RNGTT: variants seen among roughly 807,000 people sequenced by gnomAD.
RNGTT encodes the protein RNA guanylyltransferase and 5'-phosphatase, also known as mRNA-capping enzyme.
In RNGTT, 33 loss-of-function variants were observed where a neutral mutation model predicts 79.3. The observed-to-expected ratio is 0.42, with a 90% CI of 0.32 to 0.56. The LOEUF (loss-of-function observed/expected upper bound fraction) is 0.56, where lower values mean the gene tolerates loss of function less well. Among genes scored for constraint, RNGTT ranks in the 20% least tolerant of loss-of-function variants. The pLI is 0.17. For missense variants in RNGTT, 497 were observed against 739.1 expected (o/e 0.67, Z 3.80); for synonymous variants, 222 against 235.9 (o/e 0.94, Z 0.54).
At chr6:88,867,263 A>G (rs1000404885) in intron 8 of RNGTT, among the ~76,000 whole-genome samples, 6 of 152,038 alleles carry the variant, frequency 3.9e-5, no homozygotes, top group Non-Finnish European at 8.8e-5. Context: ...CAGGCAGATT[A>G]CCTGAGGTCA....
chr6:88,855,042 G>C (rs938331196), intron 8 of RNGTT, among the ~76,000 whole-genome samples: 1 of 152,196 alleles, frequency 6.6e-6, no homozygotes, highest in African/African-American at 2.4e-5. Flanking sequence ...CATTTTGTTA[G>C]GCTGTTTTTG....
intron 14 of RNGTT, among the ~76,000 whole-genome samples, chr6:88,653,138 T>A (rs1467941864): frequency 6.6e-6 from 1 of 152,204 alleles, no homozygotes; most frequent in Non-Finnish European, 1.5e-5. Context: ...AAAATACTGG[T>A]TAAAGAAAAC....
intron 1 of RNGTT, among the ~76,000 whole-genome samples, chr6:88,944,862 C>T (rs1784955120): frequency 6.6e-6 from 1 of 152,180 alleles, no homozygotes; most frequent in Admixed American, 6.5e-5. Context: ...AATGTGACTA[C>T]ATTCCTCAAA....
intron 14 of RNGTT, among the ~76,000 whole-genome samples, chr6:88,634,897 A>G (rs1317706517): frequency 6.6e-6 from 1 of 151,992 alleles, no homozygotes; most frequent in Admixed American, 6.6e-5. Flanking sequence ...AGTATTATAC[A>G]TTATTGTTAT....
intron 11 of RNGTT, among the ~76,000 whole-genome samples, chr6:88,814,457 T>C (rs1780250498): frequency 6.6e-6 from 1 of 152,124 alleles, no homozygotes; most frequent in Admixed American, 6.5e-5. Flanking sequence ...TTTAAAGCCC[T>C]TTTTTTCCTG....
intron 13 of RNGTT, among the ~76,000 whole-genome samples, chr6:88,711,244 C>A (rs1381226065): frequency 1.3e-5 from 2 of 152,132 alleles, no homozygotes; most frequent in Non-Finnish European, 2.9e-5. Flanking sequence ...TATAACTTTT[C>A]TCATAATTAC....
At chr6:88,875,969 G>A (rs553193418) in intron 8 of RNGTT, among the ~76,000 whole-genome samples, 8 of 152,128 alleles carry the variant, frequency 5.3e-5, no homozygotes, top group Admixed American at 2.0e-4. Flanking sequence ...ACTGCTGTTC[G>A]GAGTGTATCA....
At chr6:88,946,578 T>C (rs1785016059) in intron 1 of RNGTT, among the ~76,000 whole-genome samples, 2 of 152,008 alleles carry the variant, frequency 1.3e-5, no homozygotes, top group Admixed American at 6.5e-5. Flanking sequence ...CTAGGCCTCT[T>C]GCACCAGTTA....
chr6:88,658,860 T>TA (rs1774078951), intron 14 of RNGTT, among the ~76,000 whole-genome samples: 1 of 152,250 alleles, frequency 6.6e-6, no homozygotes, highest in Non-Finnish European at 1.5e-5. Flanking sequence ...CTCTTGGACT[T>TA]ACACCAGTGA....
chr6:88,777,243 T>C (rs937411284), intron 12 of RNGTT, among the ~76,000 whole-genome samples: 30 of 152,182 alleles, frequency 2.0e-4, no homozygotes, highest in Admixed American at 1.8e-3. Context: ...TTTTAATTAC[T>C]GGAGCTTAGT....
chr6:88,657,195 G>C (rs1305339116), intron 14 of RNGTT, among the ~76,000 whole-genome samples: 1 of 151,850 alleles, frequency 6.6e-6, no homozygotes, highest in African/African-American at 2.4e-5. Context: ...AAAAAACTGT[G>C]AGTTCCCAAA....
intron 4 of RNGTT, among the ~76,000 whole-genome samples, chr6:88,911,151 C>T (rs1025398671): frequency 2.6e-5 from 4 of 152,064 alleles, no homozygotes; most frequent in Non-Finnish European, 5.9e-5. Context: ...TGAATGTAAA[C>T]AGTCTAAACA....
chr6:88,686,588 T>C (rs59615560), intron 13 of RNGTT, among the ~76,000 whole-genome samples: 1,966 of 151,972 alleles, frequency 0.013, 46 homozygotes, highest in African/African-American at 0.045. Context: ...AGTACGTCAG[T>C]AGAATAGAAC....
chr6:88,819,168 C>G (rs1026386448), intron 11 of RNGTT, among the ~76,000 whole-genome samples: 4 of 151,922 alleles, frequency 2.6e-5, no homozygotes, highest in Non-Finnish European at 5.9e-5. Flanking sequence ...TAAGTATTCC[C>G]CAAAATTATA....
intron 6 of RNGTT, among the ~76,000 whole-genome samples, chr6:88,893,260 T>C (rs1783114018): frequency 6.6e-6 from 1 of 152,118 alleles, no homozygotes; most frequent in Non-Finnish European, 1.5e-5. Context: ...CACTTCTTTT[T>C]AGAGAGTTCA....
In RNGTT at chr6:88,906,347, A is replaced by G. The variant is rs1304113911; in HGVS notation, c.443+18T>C. ...TTTATTACAAAATACATCTTCCATTATAACAAGATACAAATACCTCCAATC... is the reference window on the plus strand; with the variant it reads ...TTTATTACAAAATACATCTTCCATTGTAACAAGATACAAATACCTCCAATC... On this transcript the variant is annotated intron_variant, in intron 5 of 15. Coordinates refer to ENST00000369485, the MANE Select transcript of RNGTT (RefSeq NM_003800.5). The G allele has an allele frequency of 1.3e-6, 2 of 1,501,962 alleles. No homozygotes were observed. The highest frequency in any genetic ancestry group is 1.8e-6 in the Non-Finnish European group (2 of 1,103,158). 93.0% of individuals were successfully genotyped at this position (1,501,962 alleles called of 1,614,324 possible). A position where few individuals can be genotyped will look rare whatever the true frequency, so the allele number is the denominator to read the frequency against.
chr6:88,644,821 C>G (rs924439110), intron 14 of RNGTT, among the ~76,000 whole-genome samples: 1 of 152,170 alleles, frequency 6.6e-6, no homozygotes, highest in African/African-American at 2.4e-5. Context: ...GCTAAAAATT[C>G]TCAATAAATT....
chr6:88,879,157 G>A (rs1279808589), intron 8 of RNGTT, among the ~76,000 whole-genome samples: 7 of 152,200 alleles, frequency 4.6e-5, no homozygotes, highest in Non-Finnish European at 8.8e-5. Context: ...AGCACTTTGA[G>A]AGGCTGAGGC....
intron 14 of RNGTT, among the ~76,000 whole-genome samples, chr6:88,635,954 C>G (rs9344831): frequency 0.038 from 5,779 of 152,056 alleles, 173 homozygotes; most frequent in African/African-American, 0.08. Flanking sequence ...TTCTTTGGTA[C>G]AGAAATGGGA....
Sources: allele counts gnomAD v4.1 joint callset (sites outside exome capture counted in the v4.1 genomes callset), GRCh38; gene constraint gnomAD v4.1.1; transcripts MANE v1.5; gene names NCBI Gene and HGNC (gene_info 2026-07-23, HGNC 2026-07-21).